Variants in PPP2R3A observed in about 807,000 individuals in gnomAD.
PPP2R3A encodes the protein protein phosphatase 2 regulatory subunit B''alpha.
PPP2R3A carries 80 observed loss-of-function variants against 106.9 expected under a neutral mutation model. The ratio of observed to expected loss-of-function variants is 0.75; its 90% CI spans 0.62 to 0.90. The LOEUF is 0.90. Among genes scored for constraint, PPP2R3A ranks in the 40% least tolerant of loss-of-function variants. The probability of loss-of-function intolerance (pLI) is 0.00; values close to 1 mark genes in which losing one functional copy is unlikely to be tolerated. For missense variants in PPP2R3A, 1,386 were observed against 1,350.4 expected (o/e 1.03, Z -0.41); for synonymous variants, 483 against 468.3 (o/e 1.03, Z -0.41).
intron 1 of PPP2R3A, among the ~76,000 whole-genome samples, chr3:135,992,495 A>G (rs1384894136): frequency 6.6e-6 from 1 of 152,158 alleles, no homozygotes. Context: ...TCTGCTCCAG[A>G]TGTTTCCTGA....
At chr3:136,115,581 G>A (rs546085569) in intron 13 of PPP2R3A, among the ~76,000 whole-genome samples, 1 of 151,876 alleles carries the variant, frequency 6.6e-6, no homozygotes, top group South Asian at 2.1e-4. Context: ...GAAACACACA[G>A]CACAAGAACC....
At chr3:136,084,785 G>A (rs1936879533) in intron 8 of PPP2R3A, among the ~76,000 whole-genome samples, 2 of 152,220 alleles carry the variant, frequency 1.3e-5, no homozygotes, top group Admixed American at 1.3e-4. Context: ...GATCATTTTG[G>A]AACTTTAAGG....
intron 3 of PPP2R3A, among the ~76,000 whole-genome samples, chr3:136,032,328 G>C (rs1458415339): frequency 1.3e-5 from 2 of 152,026 alleles, no homozygotes; most frequent in African/African-American, 4.8e-5. Flanking sequence ...TTGATACTCA[G>C]CTTGCTCGTT....
At chr3:136,044,314 CT>C (rs910417014) in intron 4 of PPP2R3A, among the ~76,000 whole-genome samples, 1 of 152,124 alleles carries the variant, frequency 6.6e-6, no homozygotes, top group Non-Finnish European at 1.5e-5. Flanking sequence ...TCCTTAATCA[CT>C]TGTTGAATGC....
intron 1 of PPP2R3A, among the ~76,000 whole-genome samples, chr3:135,979,734 T>C (rs1937513626): frequency 6.6e-6 from 1 of 151,452 alleles, no homozygotes; most frequent in Admixed American, 6.6e-5. Context: ...AAAAAAAATA[T>C]GGTAAGTATC....
At chr3:135,970,229 G>C (rs1339700752) in intron 1 of PPP2R3A, among the ~76,000 whole-genome samples, 1 of 152,202 alleles carries the variant, frequency 6.6e-6, no homozygotes. Flanking sequence ...TAGTAGAGGA[G>C]GATAGCCCAG....
intron 3 of PPP2R3A, 49 bp from the exon 4 acceptor site, chr3:136,040,810 A>G: frequency 2.0e-6 from 3 of 1,469,384 alleles, no homozygotes; most frequent in African/African-American, 1.6e-5. Context: ...TGGCCGTGTC[A>G]TCTCTTCATT....
chr3:135,994,908 T>C (rs1471161782), intron 1 of PPP2R3A, among the ~76,000 whole-genome samples: 1 of 152,224 alleles, frequency 6.6e-6, no homozygotes, highest in Non-Finnish European at 1.5e-5. Flanking sequence ...ACTTATCTGC[T>C]GCTTCTAAAC....
chr3:136,110,221 C>G (rs1937573786), intron 13 of PPP2R3A, among the ~76,000 whole-genome samples: 1 of 152,088 alleles, frequency 6.6e-6, no homozygotes, highest in Admixed American at 6.5e-5. Flanking sequence ...GGACAAATAT[C>G]AAACAGTTAA....
In PPP2R3A at chr3:135,989,435, TTCTA is replaced by T. The variant is rs1259427884; in HGVS notation, c.-440-11616_-440-11613del. The stretch of plus-strand genomic sequence containing the variant: ...TAGTTGTCTCAGTGCTTTCTTGACA[TTCTA>T]TCTATCTGTTCTGCAGATGTGAAGA... On this transcript the variant is annotated intron_variant, in intron 1 of 13. Transcript: ENST00000264977. 1.3e-5 allele frequency among the ~76,000 whole-genome samples: 2 copies of T among 152,190 alleles called. 1 individual carries two copies. Among genetic ancestry groups the T allele is most frequent in the African/African-American group, 4.8e-5 (2 of 41,456 alleles).
At chr3:136,028,421 G>A (rs552720586) in intron 3 of PPP2R3A, among the ~76,000 whole-genome samples, 2 of 152,278 alleles carry the variant, frequency 1.3e-5, no homozygotes, top group South Asian at 4.1e-4. Context: ...ACTCATTCCA[G>A]AAATAAGAGC....
intron 13 of PPP2R3A, among the ~76,000 whole-genome samples, chr3:136,142,894 A>G (rs1559944758): frequency 6.6e-6 from 1 of 152,214 alleles, no homozygotes; most frequent in Admixed American, 6.5e-5. Flanking sequence ...CCATCCTGAC[A>G]AGAAATCAGC....
intron 3 of PPP2R3A, among the ~76,000 whole-genome samples, chr3:136,040,027 C>T (rs6807058): frequency 0.23 from 35,106 of 151,976 alleles, 4,876 homozygotes; most frequent in Non-Finnish European, 0.32. Flanking sequence ...GAATTATAAC[C>T]ATTTAAATAG....
intron 2 of PPP2R3A, among the ~76,000 whole-genome samples, chr3:136,008,153 G>A (rs948173004): frequency 6.6e-5 from 10 of 152,130 alleles, no homozygotes; most frequent in Non-Finnish European, 1.5e-4. Context: ...TTTGTTAAAC[G>A]TTCCTTGTGG....
intron 3 of PPP2R3A, among the ~76,000 whole-genome samples, chr3:136,035,932 T>C (rs576784327): frequency 1.4e-3 from 216 of 152,120 alleles, no homozygotes; most frequent in African/African-American, 4.8e-3. Flanking sequence ...CTTTTTTTTT[T>C]CTTTGTCTTT....
chr3:136,098,671 TAAC>T (rs1937277181), intron 10 of PPP2R3A, among the ~76,000 whole-genome samples: 1 of 152,126 alleles, frequency 6.6e-6, no homozygotes, highest in Non-Finnish European at 1.5e-5. Context: ...TGAGAAATAA[TAAC>T]AAAGTATTGG....
At chr3:136,096,092 A>G (rs183675745) in intron 10 of PPP2R3A, among the ~76,000 whole-genome samples, 359 of 152,320 alleles carry the variant, frequency 2.4e-3, no homozygotes, top group African/African-American at 7.8e-3. Flanking sequence ...CATATAATTT[A>G]TTGAATACTG....
chr3:136,052,988 A>G (rs1276530483), intron 5 of PPP2R3A, among the ~76,000 whole-genome samples: 2 of 152,220 alleles, frequency 1.3e-5, no homozygotes, highest in Non-Finnish European at 2.9e-5. Flanking sequence ...GGGACTGTGG[A>G]TGGAGCTGGA....
chr3:135,979,634 T>G (rs1213194559), intron 1 of PPP2R3A, among the ~76,000 whole-genome samples: 1 of 151,810 alleles, frequency 6.6e-6, no homozygotes, highest in Non-Finnish European at 1.5e-5. Flanking sequence ...TTGCTTTGGT[T>G]GTAAAAGTGG....
Sources: allele counts gnomAD v4.1 joint callset (sites outside exome capture counted in the v4.1 genomes callset), GRCh38; gene constraint gnomAD v4.1.1; transcripts MANE v1.5; gene names NCBI Gene and HGNC (gene_info 2026-07-23, HGNC 2026-07-21).